The following GMEB2 variants were observed in gnomAD, a reference collection of about 807,000 sequenced individuals.
GMEB2 encodes the protein glucocorticoid modulatory element binding protein 2, also known as glucocorticoid modulatory element-binding protein 2.
In GMEB2, 7 loss-of-function variants were observed where a neutral mutation model predicts 45.7. That is an observed-to-expected ratio of 0.15 (90% CI 0.09 to 0.29). GMEB2 has a LOEUF of 0.29. GMEB2 is among the 10% of genes least tolerant of loss of function. GMEB2 has a pLI of 1.00. For missense variants in GMEB2, 582 were observed against 739.2 expected (o/e 0.79, Z 2.47); for synonymous variants, 322 against 323.6 (o/e 1.00, Z 0.05).
chr20:63,598,913 T>C (rs1261522085), intron 4 of GMEB2, among the ~76,000 whole-genome samples: 1 of 152,182 alleles, frequency 6.6e-6, no homozygotes, highest in Non-Finnish European at 1.5e-5. Context: ...GGCCTGATCC[T>C]ACCTAGGGCT....
In GMEB2 at chr20:63,595,637, T is replaced by C. The variant is rs1437719246; in HGVS notation, c.592A>G (p.Ile198Val). The C allele has an allele frequency of 1.3e-5, 21 of 1,612,256 alleles. No individual in the cohort carries two copies. The highest frequency in any genetic ancestry group is 1.7e-5 in the Non-Finnish European group (20 of 1,179,404). Residue 198 changes from isoleucine to valine, a missense_variant, in exon 6 of 10, where the codon ATT becomes GTT. This residue lies in a region of GMEB2 where 462 missense variants were observed against 586.7 expected (regional missense o/e 0.79). Coordinates refer to ENST00000370077, the MANE Select transcript of GMEB2 (RefSeq NM_012384.5). ...TCGGCTGCGGCGGGCGTGAGGGGAA[T>C]GTACTCGGCCGACGTGGGGCTGCTC... ...SLSSPTSAEY[I>V]PLTPAAADVN...
At chr20:63,604,886 G>T in intron 2 of GMEB2, 46 bp from the exon 3 acceptor site, 2 of 1,045,292 alleles carry the variant, frequency 1.9e-6, no homozygotes, top group Non-Finnish European at 3.0e-6. Flanking sequence ...ATCCCGGAGG[G>T]CACAACCTGC....
rs117501635 is a variant in GMEB2, at chr20:63,594,143, C to T, written c.620-1061G>A. 1.1e-3 allele frequency among the ~76,000 whole-genome samples: 175 copies of T among 152,322 alleles called. 4 individuals carry two copies. The East Asian group carries it at 0.033, about 29-fold the overall frequency. ...ATTACACATCTGGAATTATTTGGGG[C>T]GTGAATGAGTCGTTTTTCCGAGTTG... On this transcript the variant is annotated intron_variant, in intron 6 of 9. Coordinates refer to ENST00000370077, the MANE Select transcript of GMEB2 (RefSeq NM_012384.5).
At position 63,619,538 on chromosome 20, in the gene GMEB2, C is replaced by G; in HGVS notation, c.-57-84G>C. 1.4e-6 allele frequency: 1 copy of G among 739,542 alleles called. No homozygotes were observed. 45.8% of individuals were successfully genotyped at this position (739,542 alleles called of 1,614,324 possible). Reference sequence around the variant, plus strand: ...CACTCACAAAGGCATCTCTAATCAGCTCCAAAGACCCACCCTTGAGTCCCA... The same window carrying G: ...CACTCACAAAGGCATCTCTAATCAGGTCCAAAGACCCACCCTTGAGTCCCA... On this transcript the variant is annotated intron_variant, in intron 1 of 9. Transcript: ENST00000370077. This position sits in a 1 kb window ranked among gnomAD's most constrained non-coding sequence, Gnocchi z 4.6.
chr20:63,594,804 A>T (rs2083179611), intron 6 of GMEB2, among the ~76,000 whole-genome samples: 1 of 152,122 alleles, frequency 6.6e-6, no homozygotes, highest in Non-Finnish European at 1.5e-5. Flanking sequence ...GCTGGAGGGC[A>T]GTGGAGCGAT....
chr20:63,616,156 CAT>C (rs537421143), intron 2 of GMEB2, among the ~76,000 whole-genome samples: 33 of 152,266 alleles, frequency 2.2e-4, no homozygotes, highest in Middle Eastern at 3.4e-3. Flanking sequence ...TAGACACACA[CAT>C]GTGGGCCGGG....
rs909551963 is a variant in GMEB2 at position 63,593,139 on chromosome 20, A to G, written c.620-57T>C. 1.9e-6 allele frequency: 2 copies of G among 1,027,284 alleles called. No individual in the cohort carries two copies. The highest frequency in any genetic ancestry group is 3.8e-5 in the Admixed American group (2 of 52,848). 63.6% of individuals were successfully genotyped at this position (1,027,284 alleles called of 1,614,324 possible). A position where few individuals can be genotyped will look rare whatever the true frequency, so the allele number is the denominator to read the frequency against. ...TGTTTGGACCACAGTCCCACACCCC[A>G]CATACCCTGTCCACCCTCCTCACAC... is the stretch of plus-strand genomic sequence containing the variant. On this transcript the variant is annotated intron_variant, in intron 6 of 9. Coordinates refer to ENST00000370077, the MANE Select transcript of GMEB2 (RefSeq NM_012384.5). This position sits in a 1 kb window ranked among gnomAD's most constrained non-coding sequence, Gnocchi z 4.7.
intron 3 of GMEB2, among the ~76,000 whole-genome samples, chr20:63,603,569 A>G (rs1243542955): frequency 1.3e-5 from 2 of 151,906 alleles, no homozygotes; most frequent in Non-Finnish European, 2.9e-5. Context: ...TCTCTACTAA[A>G]AATACAAAAA....
intron 1 of GMEB2, among the ~76,000 whole-genome samples, chr20:63,624,262 CA>C (rs555361048): frequency 8.3e-4 from 111 of 133,214 alleles, no homozygotes; most frequent in Admixed American, 1.1e-3. Context: ...ACTAAAAATA[CA>C]AAAAAAAAAA....
chr20:63,609,007 C>CATCCATTT (rs2089544654), intron 2 of GMEB2, among the ~76,000 whole-genome samples: 1 of 67,292 alleles, frequency 1.5e-5, no homozygotes, highest in Non-Finnish European at 3.4e-5. Context: ...CTGACCCACA[C>CATCCATTT]CTCCATTTCT....
At chr20:63,624,556 G>A (rs1203979429) in intron 1 of GMEB2, among the ~76,000 whole-genome samples, 1 of 152,122 alleles carries the variant, frequency 6.6e-6, no homozygotes, top group East Asian at 1.9e-4. Context: ...GCTCAGCAGG[G>A]GCAACTAAAG....
At chr20:63,616,978 G>T (rs1423232275) in intron 2 of GMEB2, among the ~76,000 whole-genome samples, 4 of 144,964 alleles carry the variant, frequency 2.8e-5, no homozygotes, top group South Asian at 4.4e-4. Context: ...CCTTCTGGTG[G>T]TTTTTTTTTT....
In GMEB2 at chr20:63,589,210, G is replaced by A. The variant is rs1600998945; in HGVS notation, c.*879C>T. 1.0e-5 allele frequency: 4 copies of A among 399,158 alleles called. No homozygotes were observed. The highest frequency in any genetic ancestry group is 4.1e-5 in the African/African-American group (2 of 48,734). 24.7% of individuals were successfully genotyped at this position (399,158 alleles called of 1,614,324 possible). A position where few individuals can be genotyped will look rare whatever the true frequency, so the allele number is the denominator to read the frequency against. The stretch of plus-strand genomic sequence containing the variant: ...CACACCTCATGGATCTCAGACCCCT[G>A]GGAGGGGCCGGCTCAGGGACAGGCT... On this transcript the variant is annotated 3_prime_UTR_variant, in exon 10 of 10. Transcript: ENST00000370077.
chr20:63,622,285 C>T (rs182778649), intron 1 of GMEB2, among the ~76,000 whole-genome samples: 4 of 152,346 alleles, frequency 2.6e-5, no homozygotes, highest in Admixed American at 2.0e-4. Context: ...CAACCTGGCA[C>T]GCAGTGGTCC....
In GMEB2 at chr20:63,613,959, G is replaced by A. The variant is rs79982179; in HGVS notation, c.131+5308C>T. Among the ~76,000 whole-genome samples, 1,489 of 152,196 alleles carry A rather than the reference G, an allele frequency of 9.8e-3. 28 individuals carry two copies. Among genetic ancestry groups the A allele is most frequent in the African/African-American group, 0.034 (1,423 of 41,496 alleles). On this transcript the variant is annotated intron_variant, in intron 2 of 9. Coordinates refer to ENST00000370077, the MANE Select transcript of GMEB2 (RefSeq NM_012384.5). ...AGCATGTGGGTGGTCTGGACAGGAG[G>A]GGGAGGGAAGAGTGCAGAGCAGGGC...
intron 1 of GMEB2, among the ~76,000 whole-genome samples, chr20:63,624,690 CA>C (rs1055240579): frequency 1.1e-4 from 17 of 152,290 alleles, no homozygotes; most frequent in African/African-American, 3.8e-4. Flanking sequence ...CCAGCCTCTC[CA>C]TTGGCAACTG....
At chr20:63,610,141 G>A (rs1385965705) in intron 2 of GMEB2, among the ~76,000 whole-genome samples, 1 of 152,246 alleles carries the variant, frequency 6.6e-6, no homozygotes, top group East Asian at 1.9e-4. Context: ...GCTGGGAGAG[G>A]TCTGGGTGGG....
rs568623372 is a variant in GMEB2 at position 63,593,719 on chromosome 20, T to C, written c.620-637A>G. 6.6e-6 allele frequency among the ~76,000 whole-genome samples: 1 copy of C among 152,264 alleles called. No homozygotes were observed. The highest frequency in any genetic ancestry group is 1.9e-4 in the East Asian group (1 of 5,178). On this transcript the variant is annotated intron_variant, in intron 6 of 9. Coordinates refer to ENST00000370077, the MANE Select transcript of GMEB2 (RefSeq NM_012384.5). This position sits in a 1 kb window ranked among gnomAD's most constrained non-coding sequence, Gnocchi z 4.7. ...CTGATAGAGACTTTATACACAGATCTGGCTTAAAAAACAAACCCGGGGCCG... is the reference window on the plus strand; with the variant it reads ...CTGATAGAGACTTTATACACAGATCCGGCTTAAAAAACAAACCCGGGGCCG...
At chr20:63,613,765 GC>G (rs1252856387) in intron 2 of GMEB2, among the ~76,000 whole-genome samples, 1 of 152,058 alleles carries the variant, frequency 6.6e-6, no homozygotes, top group African/African-American at 2.4e-5. Context: ...ACCCACCCTG[GC>G]CTCCCAAAGT....
Sources: allele counts gnomAD v4.1 joint callset (sites outside exome capture counted in the v4.1 genomes callset), GRCh38; gene constraint gnomAD v4.1.1; regional missense constraint gnomAD v4.1.1; non-coding constraint Gnocchi (gnomAD v3.1); transcripts MANE v1.5; gene names NCBI Gene and HGNC (gene_info 2026-07-23, HGNC 2026-07-21).